Variants in TARS1 observed in about 807,000 individuals in gnomAD.
The protein encoded by TARS1 is threonyl-tRNA synthetase 1, also known as threonine--tRNA ligase 1, cytoplasmic.
Under a neutral mutation model 97.7 loss-of-function variants are expected in TARS1, and 57 were observed. The observed-to-expected ratio is 0.58, with a 90% confidence interval of 0.47 to 0.73. TARS1 has a LOEUF of 0.73. TARS1 is among the 30% of genes least tolerant of loss of function. TARS1 has a pLI of 0.00. For synonymous variants in TARS1, 312 were observed against 293.7 expected, an observed-to-expected ratio of 1.06 and a Z score of -0.64; for missense variants, 806 against 888.3, an observed-to-expected ratio of 0.91 and a Z score of 1.18.
At chr5:33,446,242 C>G (rs1351036257) in intron 2 of TARS1, 1 of 177,362 alleles carries the variant, frequency 5.6e-6, no homozygotes. Context: ...TATAGATGAT[C>G]AAGTGTAGTG....
At chr5:33,458,298 C>T (rs1357952695) in intron 9 of TARS1, among the ~76,000 whole-genome samples, 1 of 152,096 alleles carries the variant, frequency 6.6e-6, no homozygotes, top group Admixed American at 6.5e-5. Flanking sequence ...CTGAAGGGAC[C>T]CTTATTCCCT....
At chr5:33,440,949 G>C, upstream of TARS1, 1 of 974,648 alleles carries the variant, frequency 1.0e-6, no homozygotes, top group Non-Finnish European at 1.5e-6. Context: ...TTGGGGGCGG[G>C]GTTAGGGCGC....
Position 33,467,823 on chromosome 5 carries a change from C to A in TARS1, c.*115C>A. On this transcript the variant is annotated 3_prime_UTR_variant, in exon 19 of 19. Transcript: ENST00000265112. The stretch of plus-strand genomic sequence containing the variant: ...TGAACTTGGAGGAGTTTGGCAAAGT[C>A]TGAATAGGTCAACCTGCAGGCGTAA... 8.7e-7 allele frequency: 1 copy of A among 1,155,938 alleles called. No individual in the cohort carries two copies. Among genetic ancestry groups the A allele is most frequent in the Non-Finnish European group, 1.2e-6 (1 of 844,966 alleles). The allele number at this position is 1,155,938 out of a possible 1,614,324, so 71.6% of individuals were successfully genotyped here.
rs1741975089 is a variant in TARS1, at chr5:33,455,670, A to C, written c.659A>C (p.Glu220Ala). 6.2e-7 allele frequency: 1 copy of C among 1,611,940 alleles called. No homozygotes were observed. Among genetic ancestry groups the C allele is most frequent in the Admixed American group, 1.7e-5 (1 of 59,944 alleles). The change falls in exon 6 of 19, where the codon GAA becomes GCA. Residue 220 changes from glutamate to alanine, a missense_variant. Around this residue, in one of 3 missense-constraint regions of TARS1, gnomAD observed 356 missense variants for 357.8 expected, o/e 0.99. Coordinates refer to ENST00000265112, the MANE Select transcript of TARS1 (RefSeq NM_152295.5). ...IKEKQAFERL[E>A]VKKETLLAMF... ...GAAAAACAAGCTTTTGAAAGACTGG[A>C]AGTTAAGAAAGAAACTTTACTGGCA...
chr5:33,443,402 A>G (rs541392811), intron 1 of TARS1, among the ~76,000 whole-genome samples: 1 of 149,126 alleles, frequency 6.7e-6, no homozygotes, highest in Middle Eastern at 3.5e-3. Context: ...AACCAAAATA[A>G]TCTTATCAGA....
chr5:33,443,737 T>C (rs968730088), intron 1 of TARS1, among the ~76,000 whole-genome samples: 7 of 151,966 alleles, frequency 4.6e-5, no homozygotes, highest in Admixed American at 4.6e-4. Flanking sequence ...CCTCGTGATC[T>C]GCCCGCCTCG....
At chr5:33,454,373 G>A (rs1741909548) in intron 4 of TARS1, among the ~76,000 whole-genome samples, 1 of 152,142 alleles carries the variant, frequency 6.6e-6, no homozygotes, top group Non-Finnish European at 1.5e-5. Flanking sequence ...ACATTGCTTT[G>A]GGTGTATTCT....
At chr5:33,458,121 A>G (rs1742118613) in intron 9 of TARS1, among the ~76,000 whole-genome samples, 1 of 152,158 alleles carries the variant, frequency 6.6e-6, no homozygotes, top group East Asian at 1.9e-4. Flanking sequence ...AAGTCAGCCA[A>G]CTTTACCATC....
intron 5 of TARS1, 97 bp from the exon 6 acceptor site, chr5:33,455,490 C>A (rs1343175856): frequency 5.5e-6 from 4 of 731,152 alleles, no homozygotes; most frequent in South Asian, 2.4e-5. Context: ...ATATTAAAAC[C>A]CTTGAAGTAT....
intron 10 of TARS1, among the ~76,000 whole-genome samples, chr5:33,459,034 C>T (rs1305722597): frequency 6.6e-6 from 1 of 152,088 alleles, no homozygotes; most frequent in Non-Finnish European, 1.5e-5. Context: ...TTGTACTTAA[C>T]TACCCACATT....
At chr5:33,458,729 C>A in intron 10 of TARS1, 65 bp downstream of exon 10, 1 of 1,207,446 alleles carries the variant, frequency 8.3e-7, no homozygotes. Flanking sequence ...TAAATAAGGT[C>A]TACTAAAAGG....
intron 1 of TARS1, chr5:33,441,639 G>A (rs955114592): frequency 1.8e-5 from 3 of 162,170 alleles, no homozygotes; most frequent in African/African-American, 7.2e-5. Context: ...TATACATTTT[G>A]CCCGGCACTG....
chr5:33,456,982 A>G (rs1742047059), intron 8 of TARS1, among the ~76,000 whole-genome samples: 1 of 152,120 alleles, frequency 6.6e-6, no homozygotes, highest in Admixed American at 6.5e-5. Flanking sequence ...TTTTTAAATA[A>G]AGAATGGGGT....
intron 13 of TARS1, 138 bp from the exon 14 acceptor site, chr5:33,461,529 C>CAT: frequency 3.0e-6 from 3 of 994,538 alleles, no homozygotes; most frequent in Non-Finnish European, 1.5e-6. Flanking sequence ...TTGGTATGAG[C>CAT]ATATGTTCAG....
intron 17 of TARS1, among the ~76,000 whole-genome samples, chr5:33,466,556 G>C (rs1742535712): frequency 6.6e-6 from 1 of 152,132 alleles, no homozygotes; most frequent in Non-Finnish European, 1.5e-5. Context: ...ATGTTAATAT[G>C]TTATCAGGTT....
chr5:33,460,740 G>A (rs1392908458), intron 11 of TARS1, among the ~76,000 whole-genome samples, 162 bp from the exon 12 acceptor site: 1 of 152,194 alleles, frequency 6.6e-6, no homozygotes, highest in Non-Finnish European at 1.5e-5. Flanking sequence ...TTTTATTCAT[G>A]CAAGTGCTTT....
chr5:33,450,971 C>G (rs1474228982), intron 3 of TARS1, among the ~76,000 whole-genome samples: 1 of 152,106 alleles, frequency 6.6e-6, no homozygotes, highest in Non-Finnish European at 1.5e-5. Context: ...AAAAATTAGC[C>G]AGTCATGGTG....
intron 3 of TARS1, among the ~76,000 whole-genome samples, chr5:33,451,473 G>C (rs12517884): frequency 2.7e-5 from 4 of 150,564 alleles, no homozygotes; most frequent in African/African-American, 9.8e-5. Flanking sequence ...TTCCTGGGTT[G>C]ACGCCATTCT....
rs772562413 is a variant in TARS1 at position 33,462,186 on chromosome 5, A to T, written c.1818A>T (p.Glu606Asp). 1 of 1,612,430 alleles carries T rather than the reference A, an allele frequency of 6.2e-7. No homozygotes were observed. Among genetic ancestry groups the T allele is most frequent in the East Asian group, 2.2e-5 (1 of 44,844 alleles). ...SVERMIAILTENYGGKWPFWL... is the reference protein window; with the variant it reads ...SVERMIAILTDNYGGKWPFWL... ...AAAGAATGATTGCTATCCTCACAGAAAACTATGGGGGCAAATGGTAATTTT... is the reference window on the plus strand; with the variant it reads ...AAAGAATGATTGCTATCCTCACAGATAACTATGGGGGCAAATGGTAATTTT... The change falls in exon 16 of 19, where the codon GAA becomes GAT. Residue 606 changes from glutamate (E) to aspartate (D), a missense_variant. Transcript: ENST00000265112.
Sources: gnomAD v4.1 joint callset for allele counts (sites outside exome capture counted in the v4.1 genomes callset) on GRCh38, gnomAD v4.1.1 for gene constraint, gnomAD v4.1.1 regional missense constraint, MANE v1.5 for transcripts, NCBI Gene and HGNC (gene_info 2026-07-23, HGNC 2026-07-21) for gene names.